The following ALK variants were observed in gnomAD, a reference collection of about 807,000 sequenced individuals.
ALK encodes ALK receptor tyrosine kinase.
A neutral mutation model predicts 163.1 loss-of-function variants in ALK; 74 were observed. The ratio of observed to expected loss-of-function variants is 0.45; its 90% CI spans 0.38 to 0.55. The LOEUF (loss-of-function observed/expected upper bound fraction) is 0.55. ALK is among the 20% of genes least tolerant of loss of function. The probability of loss-of-function intolerance (pLI) is 0.00; values close to 1 mark genes in which losing one functional copy is unlikely to be tolerated. For synonymous variants in ALK, 960 were observed against 843.2 expected, an observed-to-expected ratio of 1.14 and a Z score of -2.40; for missense variants, 2,063 against 2,105.3, an observed-to-expected ratio of 0.98 and a Z score of 0.39.
chr2:29,600,125 C>G (rs1675341857), intron 3 of ALK, among the ~76,000 whole-genome samples: 1 of 152,154 alleles, frequency 6.6e-6, no homozygotes, highest in Non-Finnish European at 1.5e-5. Flanking sequence ...GGAACCACTT[C>G]CCCTCAAGTC....
intron 2 of ALK, among the ~76,000 whole-genome samples, chr2:29,712,708 A>G (rs1679137074): frequency 6.6e-6 from 1 of 152,164 alleles, no homozygotes; most frequent in Non-Finnish European, 1.5e-5. Flanking sequence ...TGATGGTGGC[A>G]GTGGCAGGGA....
chr2:29,613,507 G>A (rs887898538), intron 3 of ALK, among the ~76,000 whole-genome samples: 2 of 152,186 alleles, frequency 1.3e-5, no homozygotes, highest in Non-Finnish European at 2.9e-5. Context: ...AGTATCAATA[G>A]AAACACAGTT....
intron 1 of ALK, among the ~76,000 whole-genome samples, chr2:29,823,335 G>A (rs1665102562): frequency 6.6e-6 from 1 of 152,126 alleles, no homozygotes; most frequent in South Asian, 2.1e-4. Context: ...AAGTAAATTG[G>A]TACCAGTAGA....
intron 1 of ALK, among the ~76,000 whole-genome samples, chr2:29,816,048 G>A (rs191463920): frequency 6.6e-6 from 1 of 152,358 alleles, no homozygotes; most frequent in East Asian, 1.9e-4. Context: ...GGGGTTGGAG[G>A]CGCTGGTAGA....
At chr2:29,354,588 TAGAGAG>T (rs6146695) in intron 5 of ALK, among the ~76,000 whole-genome samples, 67,484 of 149,062 alleles carry the variant, frequency 0.45, 15,396 homozygotes, top group East Asian at 0.77. Flanking sequence ...GTCCCAGTTT[TAGAGAG>T]AGAGAGAGAG....
chr2:29,918,995 A>C (rs1035956105), intron 1 of ALK, among the ~76,000 whole-genome samples: 2 of 152,160 alleles, frequency 1.3e-5, no homozygotes, highest in Non-Finnish European at 2.9e-5. Flanking sequence ...TCGATTCAAA[A>C]CCACCTGGTT....
At chr2:29,225,207 CT>C (rs1231642076) in intron 19 of ALK, among the ~76,000 whole-genome samples, 1 of 152,156 alleles carries the variant, frequency 6.6e-6, no homozygotes, top group African/African-American at 2.4e-5. Context: ...TCCCCACCCC[CT>C]GATCAGCCAG....
intron 4 of ALK, among the ~76,000 whole-genome samples, chr2:29,459,790 TA>T (rs1363999075): frequency 1.3e-5 from 2 of 152,136 alleles, no homozygotes; most frequent in African/African-American, 4.8e-5. Flanking sequence ...ACTGAATGTC[TA>T]AAAAACATTT....
chr2:29,799,914 C>T (rs950353065), intron 1 of ALK, among the ~76,000 whole-genome samples: 1 of 152,252 alleles, frequency 6.6e-6, no homozygotes, highest in African/African-American at 2.4e-5. Flanking sequence ...AGCATCCTTG[C>T]ATTCATCTAT....
At position 29,244,777 on chromosome 2, in the gene ALK, C is replaced by T. The variant is rs540362367; in HGVS notation, c.2205-4947G>A. On this transcript the variant is annotated intron_variant, in intron 12 of 28. Coordinates refer to ENST00000389048, the MANE Select transcript of ALK (RefSeq NM_004304.5). ...ATTCCCTGGTCTGTGCCCTTTATAG[C>T]GATGGCTATCCATACAATTACTTTG... is the stretch of plus-strand genomic sequence containing the variant. 6.6e-5 allele frequency among the ~76,000 whole-genome samples: 10 copies of T among 152,362 alleles called. No individual in the cohort carries two copies. The East Asian group carries it at 1.5e-3, about 23-fold the overall frequency.
At chr2:29,269,291 C>A (rs1179283016) in intron 11 of ALK, among the ~76,000 whole-genome samples, 1 of 152,206 alleles carries the variant, frequency 6.6e-6, no homozygotes, top group Non-Finnish European at 1.5e-5. Flanking sequence ...GCCTCCAGTT[C>A]CACCCTGTCA....
chr2:29,456,798 CAT>C (rs1176991992), intron 4 of ALK, among the ~76,000 whole-genome samples: 1 of 152,154 alleles, frequency 6.6e-6, no homozygotes, highest in Non-Finnish European at 1.5e-5. Context: ...TTAGATGTCA[CAT>C]GTGAAATATC....
At chr2:29,479,538 C>A (rs1447152873) in intron 4 of ALK, among the ~76,000 whole-genome samples, 1 of 152,230 alleles carries the variant, frequency 6.6e-6, no homozygotes, top group African/African-American at 2.4e-5. Context: ...TGCATGAAAT[C>A]TCTGGATGTC....
chr2:29,505,629 G>T (rs989507923), intron 4 of ALK, among the ~76,000 whole-genome samples: 1 of 151,964 alleles, frequency 6.6e-6, no homozygotes, highest in Non-Finnish European at 1.5e-5. Flanking sequence ...GTTGTCCCAG[G>T]CCCTGTTTAC....
chr2:29,553,323 A>C (rs1573451094), intron 3 of ALK, among the ~76,000 whole-genome samples: 1 of 152,196 alleles, frequency 6.6e-6, no homozygotes, highest in Non-Finnish European at 1.5e-5. Context: ...AGCAGCCCTC[A>C]CCAGACACTA....
At chr2:29,534,963 T>C (rs1160804250) in intron 3 of ALK, among the ~76,000 whole-genome samples, 1 of 152,236 alleles carries the variant, frequency 6.6e-6, no homozygotes, top group Non-Finnish European at 1.5e-5. Flanking sequence ...TGGAACTCTA[T>C]AGTTGAGAGC....
At chr2:29,872,478 TA>T (rs1330516007) in intron 1 of ALK, among the ~76,000 whole-genome samples, 1 of 152,196 alleles carries the variant, frequency 6.6e-6, no homozygotes, top group Non-Finnish European at 1.5e-5. Context: ...TAGGCTACCT[TA>T]AATGTGCTCA....
At chr2:29,541,089 C>T (rs1246293062) in intron 3 of ALK, among the ~76,000 whole-genome samples, 1 of 152,102 alleles carries the variant, frequency 6.6e-6, no homozygotes, top group Non-Finnish European at 1.5e-5. Context: ...ATATATAGAG[C>T]CTAGCCTACC....
At chr2:29,606,429 G>A (rs1186090154) in intron 3 of ALK, among the ~76,000 whole-genome samples, 1 of 152,226 alleles carries the variant, frequency 6.6e-6, no homozygotes, top group African/African-American at 2.4e-5. Flanking sequence ...TCAGACCTTT[G>A]TGCTAAATTG....
Sources: allele counts gnomAD v4.1 joint callset (sites outside exome capture counted in the v4.1 genomes callset), GRCh38; gene constraint gnomAD v4.1.1; transcripts MANE v1.5; gene names NCBI Gene and HGNC (gene_info 2026-07-23, HGNC 2026-07-21).